The following AFAP1 variants were observed in gnomAD, a reference collection of about 807,000 sequenced individuals.
The protein encoded by AFAP1 is actin filament-associated protein 1.
Under a neutral mutation model 93.9 loss-of-function variants are expected in AFAP1, and 75 were observed. The ratio of observed to expected loss-of-function variants is 0.80; its 90% confidence interval spans 0.66 to 0.97. The LOEUF (loss-of-function observed/expected upper bound fraction) is 0.97, where lower values mean the gene tolerates loss of function less well. Among genes scored for constraint, AFAP1 ranks in the 50% least tolerant of loss-of-function variants. The pLI, the probability that AFAP1 is intolerant of heterozygous loss-of-function variation, is 0.00. For missense variants in AFAP1, 1,201 were observed against 1,050.8 expected, an observed-to-expected ratio of 1.14 and a Z score of -1.98; for synonymous variants, 517 against 430.7, an observed-to-expected ratio of 1.20 and a Z score of -2.48.
At chr4:7,872,319 C>T (rs1238749123) in intron 1 of AFAP1, 3 of 427,910 alleles carry the variant, frequency 7.0e-6, no homozygotes, top group African/African-American at 6.0e-5. Flanking sequence ...GGGAGAAGCT[C>T]CAAAGCCAGG....
chr4:7,855,641 A>T (rs558358726), intron 3 of AFAP1, 67 bp from the exon 4 acceptor site: 1 of 1,269,086 alleles, frequency 7.9e-7, no homozygotes, highest in Non-Finnish European at 1.1e-6. Flanking sequence ...TGGATTTCCA[A>T]TTAACAGGTG....
At chr4:7,889,523 AG>A (rs1274616253) in intron 1 of AFAP1, among the ~76,000 whole-genome samples, 2 of 145,592 alleles carry the variant, frequency 1.4e-5, no homozygotes, top group African/African-American at 5.2e-5. Context: ...ACTGCACTCC[AG>A]CCTGGGCAAC....
At chr4:7,930,043 C>T (rs1410179752) in intron 1 of AFAP1, among the ~76,000 whole-genome samples, 3 of 152,242 alleles carry the variant, frequency 2.0e-5, no homozygotes, top group Non-Finnish European at 4.4e-5. Context: ...GAGCAAGTTA[C>T]TCAATGCATC....
intron 6 of AFAP1, among the ~76,000 whole-genome samples, chr4:7,825,758 A>G (rs1721367409): frequency 1.3e-5 from 2 of 152,150 alleles, no homozygotes; most frequent in Admixed American, 1.3e-4. Context: ...AGTAGAAAAT[A>G]ATCACACTAC....
chr4:7,787,792 T>G (rs1717447079), intron 11 of AFAP1, among the ~76,000 whole-genome samples: 1 of 152,046 alleles, frequency 6.6e-6, no homozygotes, highest in Non-Finnish European at 1.5e-5. Context: ...GCCTCGGGGC[T>G]CCGAGGGACT....
chr4:7,765,715 A>G (rs1445361855), intron 17 of AFAP1, among the ~76,000 whole-genome samples: 1 of 152,208 alleles, frequency 6.6e-6, no homozygotes, highest in Non-Finnish European at 1.5e-5. Flanking sequence ...CCTGGCATGG[A>G]TGGCTCTGGA....
At chr4:7,771,815 C>A (rs1022179061) in intron 16 of AFAP1, among the ~76,000 whole-genome samples, 3 of 152,050 alleles carry the variant, frequency 2.0e-5, no homozygotes, top group Admixed American at 6.5e-5. Flanking sequence ...AGGTTGTCCT[C>A]TGGGTTGGAG....
chr4:7,823,909 C>G (rs1018992358), intron 6 of AFAP1, among the ~76,000 whole-genome samples: 1 of 152,218 alleles, frequency 6.6e-6, no homozygotes, highest in Non-Finnish European at 1.5e-5. Flanking sequence ...ACTCTCTTCC[C>G]CCAGGCATAA....
At chr4:7,843,756 A>C in intron 4 of AFAP1, 1 of 172,390 alleles carries the variant, frequency 5.8e-6, no homozygotes, top group Non-Finnish European at 1.3e-5. Context: ...TATGTCAAAG[A>C]CCTCCCAAGG....
At chr4:7,905,872 C>G (rs71601894) in intron 1 of AFAP1, among the ~76,000 whole-genome samples, 1 of 152,186 alleles carries the variant, frequency 6.6e-6, no homozygotes. Flanking sequence ...ACCAAACAGC[C>G]TGCAGTGTGG....
intron 8 of AFAP1, among the ~76,000 whole-genome samples, chr4:7,810,811 G>A (rs888375653): frequency 5.3e-5 from 8 of 152,178 alleles, no homozygotes; most frequent in South Asian, 2.1e-4. Flanking sequence ...GGGACAACAC[G>A]GGGCGGTTCT....
chr4:7,762,483 A>G lies in AFAP1; in HGVS notation c.*1282T>C, dbSNP rs1056099767. The G allele has an allele frequency of 7.9e-5, 12 of 152,260 alleles. No individual in the cohort carries two copies. The highest frequency in any genetic ancestry group is 1.5e-4 in the Non-Finnish European group (10 of 68,048). The allele number at this position is 152,260 out of a possible 1,614,324, so 9.4% of individuals were successfully genotyped here. ...CTTCCCGTACTGGAGAATTCCTGACAGCAGCCTCCGGGAGACCAAGAAGTT... is the reference window on the plus strand; with the variant it reads ...CTTCCCGTACTGGAGAATTCCTGACGGCAGCCTCCGGGAGACCAAGAAGTT... On this transcript the variant is annotated 3_prime_UTR_variant, in exon 18 of 18. Coordinates refer to ENST00000420658, the MANE Select transcript of AFAP1 (RefSeq NM_001134647.2).
chr4:7,798,543 T>G (rs1718708180), intron 10 of AFAP1, among the ~76,000 whole-genome samples: 1 of 152,232 alleles, frequency 6.6e-6, no homozygotes, highest in Non-Finnish European at 1.5e-5. Context: ...AGGCTGTAGA[T>G]GTTTATGTGT....
intron 14 of AFAP1, chr4:7,778,126 G>GA (rs1716339730): frequency 6.5e-6 from 1 of 153,170 alleles, no homozygotes; most frequent in South Asian, 2.1e-4. Flanking sequence ...TACCAGCTGT[G>GA]AGCCTTGGGG....
chr4:7,769,687 T>G (rs1715150641), intron 16 of AFAP1, among the ~76,000 whole-genome samples: 1 of 152,156 alleles, frequency 6.6e-6, no homozygotes, highest in Non-Finnish European at 1.5e-5. Context: ...TTCTCTCAAA[T>G]GAAGTCTCCA....
At chr4:7,766,453 C>A (rs1007932422) in intron 17 of AFAP1, among the ~76,000 whole-genome samples, 5 of 152,200 alleles carry the variant, frequency 3.3e-5, no homozygotes, top group African/African-American at 1.2e-4. Flanking sequence ...TGGTAACATT[C>A]CAAGCCTAGG....
At chr4:7,857,966 CAT>C (rs1400742996) in intron 3 of AFAP1, among the ~76,000 whole-genome samples, 2 of 152,104 alleles carry the variant, frequency 1.3e-5, no homozygotes, top group East Asian at 1.9e-4. Context: ...CTTCTAGAAA[CAT>C]ATGTCAAAAA....
chr4:7,909,064 T>C (rs2149224139), intron 1 of AFAP1, among the ~76,000 whole-genome samples: 1 of 152,322 alleles, frequency 6.6e-6, no homozygotes. Flanking sequence ...AAAGTAGTCT[T>C]TGGTTCGAGG....
intron 1 of AFAP1, among the ~76,000 whole-genome samples, chr4:7,925,991 C>G (rs1337708143): frequency 2.6e-5 from 4 of 152,170 alleles, no homozygotes; most frequent in African/African-American, 4.8e-5. Context: ...AAATAGCTGA[C>G]AAATATTAGC....
Sources: allele counts gnomAD v4.1 joint callset (sites outside exome capture counted in the v4.1 genomes callset), GRCh38; gene constraint gnomAD v4.1.1; transcripts MANE v1.5; gene names NCBI Gene and HGNC (gene_info 2026-07-23, HGNC 2026-07-21).